The following NOL6 variants were observed in gnomAD, a reference collection of about 807,000 sequenced individuals.
NOL6 encodes nucleolar protein 6.
Under a neutral mutation model 131.7 loss-of-function variants are expected in NOL6, and 33 were observed. The ratio of observed to expected loss-of-function variants is 0.25; its 90% CI spans 0.19 to 0.33. The LOEUF is 0.33. Among genes scored for constraint, NOL6 ranks in the 10% least tolerant of loss-of-function variants. The pLI, the probability that NOL6 is intolerant of heterozygous loss-of-function variation, is 1.00. For synonymous variants in NOL6, 580 were observed against 605.7 expected, an observed-to-expected ratio of 0.96 and a Z score of 0.62; for missense variants, 1,297 against 1,494.5, an observed-to-expected ratio of 0.87 and a Z score of 2.18.
intron 10 of NOL6, 73 bp from the exon 11 acceptor site, chr9:33,468,218 ACTTAACT>A: frequency 6.2e-7 from 1 of 1,611,128 alleles, no homozygotes. Flanking sequence ...CATGCCCTAA[ACTTAACT>A]CTTTGAAGAG....
Position 33,467,842 on chromosome 9 carries a change from G to A in NOL6, c.1451C>T (p.Ala484Val), listed in dbSNP as rs751468583. 3 of 1,595,062 alleles carry A rather than the reference G, an allele frequency of 1.9e-6. No individual in the cohort carries two copies. The highest frequency in any genetic ancestry group is 2.6e-6 in the Non-Finnish European group (3 of 1,170,302). ...CCAGAGCTTCAGCCGGTGGCACGCT[G>A]CCTGCAGGCGACTCAGTGGACGGAG... ...LHLRPLSRLQ[A>V]ACHRLKLWPE... Residue 484 changes from alanine to valine, a missense_variant, in exon 12 of 26, where the codon GCA (alanine) becomes GTA (valine). Coordinates refer to ENST00000297990, the MANE Select transcript of NOL6 (RefSeq NM_022917.5). This position sits in a 1 kb window ranked among gnomAD's most constrained non-coding sequence, Gnocchi z 4.4.
chr9:33,468,988 C>G lies in NOL6; in HGVS notation c.996G>C (p.Lys332Asn). ...QGLKDGVALLKVWLRQRELDK... is the reference protein window; with the variant it reads ...QGLKDGVALLNVWLRQRELDK... ...CCAGCTCCCGCTGCCGCAGCCAGAC[C>G]TTCAGAAGTGCCACGCCATCCTTCA... is the stretch of plus-strand genomic sequence containing the variant. Residue 332 changes from lysine (K) to asparagine (N), a missense_variant, in exon 7 of 26, where the codon AAG becomes AAC. Lys to Asn is a moderately conservative substitution (Grantham distance 94). Transcript: ENST00000297990. 1 of 1,614,190 alleles carries G rather than the reference C, an allele frequency of 6.2e-7. No individual in the cohort carries two copies. The highest frequency in any genetic ancestry group is 8.5e-7 in the Non-Finnish European group (1 of 1,180,028).
Position 33,469,119 on chromosome 9 carries a change from T to C in NOL6, c.865A>G (p.Ser289Gly). ...YRGQSPAGDG[S>G]PEPPTPRYNT... ...TAGCGGGGGGTAGGAGGCTCTGGGC[T>C]ACCTGTGGGATGAAAAGGGAAGCCA... is the stretch of plus-strand genomic sequence containing the variant. Residue 289 changes from serine (S) to glycine (G), a missense_variant and splice_region_variant, in exon 7 of 26, where the codon AGC becomes GGC. Transcript: ENST00000297990. 1.2e-6 allele frequency: 2 copies of C among 1,614,146 alleles called. No individual in the cohort carries two copies. The highest frequency in any genetic ancestry group is 1.7e-6 in the Non-Finnish European group (2 of 1,180,018).
At position 33,469,546 on chromosome 9, in the gene NOL6, TAGG is replaced by T. The variant is rs767654761; in HGVS notation, c.677_679del (p.Ser226del). 1 of 1,610,120 alleles carries T rather than the reference TAGG, an allele frequency of 6.2e-7. No individual in the cohort carries two copies. Among genetic ancestry groups the T allele is most frequent in the Non-Finnish European group, 8.5e-7 (1 of 1,178,804 alleles). ...GGGTTTCAGGTGGCAGCCATTTGTGTAGGAGAAGCAAACACTGCCAAAGAGGGG... is the reference window on the plus strand; with the variant it reads ...GGGTTTCAGGTGGCAGCCATTTGTGTAGAAGCAAACACTGCCAAAGAGGGG... On this transcript the variant is annotated inframe_deletion, in exon 5 of 26. Coordinates refer to ENST00000297990, the MANE Select transcript of NOL6 (RefSeq NM_022917.5).
rs1423199376 is a variant in NOL6 at position 33,466,356 on chromosome 9, G to A, written c.2161C>T (p.Leu721=). ...GGACAGGGCTTATCGAGCCGGGGCAGCAGTGAGGACCGCTCCCGCAGAGTC... is the reference window on the plus strand; with the variant it reads ...GGACAGGGCTTATCGAGCCGGGGCAACAGTGAGGACCGCTCCCGCAGAGTC... ...YETLRERSSL[L]PRLDKPCPAY... Residue 721 remains leucine (L), a synonymous_variant, in exon 17 of 26, where the codon CTG becomes TTG. Coordinates refer to ENST00000297990, the MANE Select transcript of NOL6 (RefSeq NM_022917.5). The A allele has an allele frequency of 1.2e-6, 2 of 1,614,224 alleles. No homozygotes were observed. The highest frequency in any genetic ancestry group is 2.2e-5 in the South Asian group (2 of 91,088).
Position 33,467,625 on chromosome 9 carries a change from T to A in NOL6, c.1602+66A>T. On this transcript the variant is annotated intron_variant, in intron 12 of 25. Transcript: ENST00000297990. This position sits in a 1 kb window ranked among gnomAD's most constrained non-coding sequence, Gnocchi z 4.4. ...CTAGCTGGAGGAATGGTGTGTCCTT[T>A]GTGTCTCTTGGGACCCTGGATCCAG... 6.4e-7 allele frequency: 1 copy of A among 1,558,408 alleles called. No individual in the cohort carries two copies. The highest frequency in any genetic ancestry group is 1.8e-5 in the Admixed American group (1 of 54,210).
rs1277833988 is a variant in NOL6 at position 33,465,780 on chromosome 9, C to G, written c.2482G>C (p.Glu828Gln). The G allele has an allele frequency of 1.9e-6, 3 of 1,613,586 alleles. No individual in the cohort carries two copies. In the South Asian group the frequency reaches 3.3e-5, roughly 18 times the overall value. Residue 828 changes from glutamate (E) to glutamine (Q), a missense_variant, in exon 19 of 26, where the codon GAG (glutamate) becomes CAG (glutamine). Glu to Gln is a conservative substitution (Grantham distance 29, BLOSUM62 2). Coordinates refer to ENST00000297990, the MANE Select transcript of NOL6 (RefSeq NM_022917.5). Reference protein sequence around the residue: ...LRDTAASLRLERDTRQLPLLT... With the variant: ...LRDTAASLRLQRDTRQLPLLT... ...AGTGGCAACTGCCTTGTGTCTCTCT[C>G]AAGGCGGAGGGAGGCAGCTGTGTCC...
intron 1 of NOL6, 121 bp from the exon 2 acceptor site, chr9:33,472,533 G>A (rs1827442130): frequency 1.3e-6 from 1 of 768,316 alleles, no homozygotes; most frequent in Non-Finnish European, 2.1e-6. Context: ...TTTTGAGTAG[G>A]AGTCAGATTT....
In NOL6 at chr9:33,463,246, C is replaced by T; in HGVS notation, c.3189+1G>A. ...AGGTCATTCAGCTGTTTAGGACCAA[C>T]CCTGAGCTGCGTCAGATAGAGCTGA... is the stretch of plus-strand genomic sequence containing the variant. On this transcript the variant is annotated splice_donor_variant, in intron 24 of 25. Coordinates refer to ENST00000297990, the MANE Select transcript of NOL6 (RefSeq NM_022917.5). LOFTEE classifies it high-confidence loss of function. 6.2e-7 allele frequency: 1 copy of T among 1,613,362 alleles called. No homozygotes were observed. The highest frequency in any genetic ancestry group is 8.5e-7 in the Non-Finnish European group (1 of 1,179,442).
At chr9:33,470,247 C>T (rs1305639256) in intron 3 of NOL6, 56 bp from the exon 4 acceptor site, 28 of 1,388,244 alleles carry the variant, frequency 2.0e-5, no homozygotes, top group Admixed American at 2.7e-5. Context: ...TCACATGTAC[C>T]CTTTATGTCT....
intron 20 of NOL6, 39 bp downstream of exon 20, chr9:33,465,168 A>T (rs1216198774): frequency 6.4e-7 from 1 of 1,567,762 alleles, no homozygotes; most frequent in Non-Finnish European, 8.7e-7. Flanking sequence ...GCTGGCCGCA[A>T]GGAAACTTCT....
In NOL6 at chr9:33,471,555, C is replaced by T. The variant is rs565553659; in HGVS notation, c.378+449G>A. Among the ~76,000 whole-genome samples the T allele has an allele frequency of 3.9e-5, 6 of 152,334 alleles. No homozygotes were observed. In the South Asian group the frequency reaches 1.2e-3, roughly 32 times the overall value. On this transcript the variant is annotated intron_variant, in intron 3 of 25. Transcript: ENST00000297990. ...TTTATTCCCTTAGATATCTATATAG[C>T]TGACTCACCTACTTCAAGTCTTTAC...
rs928374742 is a variant in NOL6 at position 33,467,337 on chromosome 9, G to A, written c.1725+57C>T. On this transcript the variant is annotated intron_variant, in intron 13 of 25. Transcript: ENST00000297990. This position sits in a 1 kb window ranked among gnomAD's most constrained non-coding sequence, Gnocchi z 4.4. ...ACCCTCCCCAACAAGCTTCAGTCCA[G>A]GTGCCATGAGGACGAGCCACCCCAT... 5.0e-6 allele frequency: 8 copies of A among 1,610,322 alleles called. No individual in the cohort carries two copies. In the African/African-American group the frequency reaches 1.1e-4, roughly 22 times the overall value.
chr9:33,469,880 C>G, intron 4 of NOL6, 132 bp downstream of exon 4: 1 of 1,077,172 alleles, frequency 9.3e-7, no homozygotes, highest in Non-Finnish European at 1.3e-6. Flanking sequence ...CTTCAGGATG[C>G]CTGCAATGGT....
intron 17 of NOL6, 33 bp downstream of exon 17, chr9:33,466,275 A>AT: frequency 6.2e-7 from 1 of 1,613,462 alleles, no homozygotes; most frequent in Non-Finnish European, 8.5e-7. Flanking sequence ...AGCTGGAACT[A>AT]TCCCTCCCAC....
At chr9:33,468,652 C>T in intron 8 of NOL6, 86 bp from the exon 9 acceptor site, 2 of 1,607,972 alleles carry the variant, frequency 1.2e-6, no homozygotes, top group South Asian at 1.1e-5. Context: ...ATTCAGTTTG[C>T]TCATCTGTCT....
rs755034640 is a variant in NOL6, at chr9:33,468,743, T to G, written c.1147+9A>C. 1.7e-5 allele frequency: 28 copies of G among 1,614,008 alleles called. No individual in the cohort carries two copies. The Admixed American group carries it at 3.2e-4, about 18-fold the overall frequency. ...GAGCCCCTGGCCTTTCCCCACCTAGTTGCCTCACCCAGAAACTGCAAGACA... is the reference window on the plus strand; with the variant it reads ...GAGCCCCTGGCCTTTCCCCACCTAGGTGCCTCACCCAGAAACTGCAAGACA... On this transcript the variant is annotated intron_variant, in intron 8 of 25. Coordinates refer to ENST00000297990, the MANE Select transcript of NOL6 (RefSeq NM_022917.5).
At chr9:33,471,155 C>T (rs1177752959) in intron 3 of NOL6, among the ~76,000 whole-genome samples, 1 of 152,056 alleles carries the variant, frequency 6.6e-6, no homozygotes, top group Non-Finnish European at 1.5e-5. Flanking sequence ...CCCAGCTACT[C>T]GGGAGGCTGA....
intron 1 of NOL6, 133 bp downstream of exon 1, chr9:33,473,656 T>C (rs763807999): frequency 1.4e-4 from 141 of 994,490 alleles, no homozygotes; most frequent in Non-Finnish European, 2.0e-4. Context: ...TCAGTGCCAC[T>C]GGCTGGAAAC....
Sources: gnomAD v4.1 joint callset for allele counts (sites outside exome capture counted in the v4.1 genomes callset) on GRCh38, gnomAD v4.1.1 for gene constraint, Gnocchi (gnomAD v3.1) non-coding constraint, MANE v1.5 for transcripts, NCBI Gene and HGNC (gene_info 2026-07-23, HGNC 2026-07-21) for gene names.